GSG1L: variants seen among roughly 807,000 people sequenced by gnomAD.
The protein encoded by GSG1L is germ cell-specific gene 1-like protein.
In GSG1L, 24 loss-of-function variants were observed where a neutral mutation model predicts 42.1. The ratio of observed to expected loss-of-function variants is 0.57; its 90% confidence interval spans 0.41 to 0.80. The LOEUF is 0.80. Among genes scored for constraint, GSG1L ranks in the 30% least tolerant of loss-of-function variants. The pLI, the probability that GSG1L is intolerant of heterozygous loss-of-function variation, is 0.00. For missense variants in GSG1L, 445 were observed against 472.2 expected (o/e 0.94, Z 0.53); for synonymous variants, 215 against 203.5 (o/e 1.06, Z -0.48).
At position 27,855,439 on chromosome 16, in the gene GSG1L, G is replaced by A. The variant is rs185492754; in HGVS notation, c.551-10378C>T. ...AGGGCTGCAGAAAAAGACCAACGGGGCCGGAAGCAGTGTTACAAGCCTGTA... is the reference window on the plus strand; with the variant it reads ...AGGGCTGCAGAAAAAGACCAACGGGACCGGAAGCAGTGTTACAAGCCTGTA... On this transcript the variant is annotated intron_variant, in intron 3 of 6. Coordinates refer to ENST00000447459, the MANE Select transcript of GSG1L (RefSeq NM_001109763.2). 2.2e-4 allele frequency among the ~76,000 whole-genome samples: 34 copies of A among 152,280 alleles called. 1 individual carries two copies. In the East Asian group the frequency reaches 6.2e-3, roughly 28 times the overall value.
chr16:27,985,062 T>G (rs529595617), intron 1 of GSG1L, among the ~76,000 whole-genome samples: 88 of 152,048 alleles, frequency 5.8e-4, no homozygotes, highest in African/African-American at 2.1e-3. Flanking sequence ...CTGGTCTTGT[T>G]GGCATGATTT....
chr16:27,938,547 T>C (rs2084747270), intron 2 of GSG1L, among the ~76,000 whole-genome samples: 2 of 151,922 alleles, frequency 1.3e-5, no homozygotes, highest in Non-Finnish European at 2.9e-5. Context: ...GAGAAGGAGA[T>C]TTCCAAAAGC....
intron 1 of GSG1L, among the ~76,000 whole-genome samples, chr16:28,020,919 C>T (rs1252481334): frequency 6.6e-6 from 1 of 152,224 alleles, no homozygotes; most frequent in South Asian, 2.1e-4. Context: ...AGCTTCAACT[C>T]ACACCTACTG....
intron 5 of GSG1L, among the ~76,000 whole-genome samples, chr16:27,808,577 C>T (rs933590285): frequency 1.1e-4 from 16 of 152,102 alleles, no homozygotes; most frequent in Non-Finnish European, 2.1e-4. Context: ...TGCCACTGCG[C>T]CCAGCTAATT....
chr16:27,854,874 T>A (rs2083556858), intron 3 of GSG1L, among the ~76,000 whole-genome samples: 1 of 152,044 alleles, frequency 6.6e-6, no homozygotes, highest in African/African-American at 2.4e-5. Context: ...GGGAATGAGA[T>A]CCAGGAGAGC....
chr16:27,938,590 G>A (rs1276383333), intron 2 of GSG1L, among the ~76,000 whole-genome samples: 1 of 152,152 alleles, frequency 6.6e-6, no homozygotes, highest in African/African-American at 2.4e-5. Flanking sequence ...GAACATCAGA[G>A]CAGCGAAGGT....
chr16:27,954,927 T>A (rs180702536), intron 2 of GSG1L, among the ~76,000 whole-genome samples: 1 of 152,354 alleles, frequency 6.6e-6, no homozygotes, highest in Admixed American at 6.5e-5. Flanking sequence ...CCCAAAGTGC[T>A]GGGATCACAG....
chr16:27,806,049 C>T (rs900077498), intron 6 of GSG1L, among the ~76,000 whole-genome samples: 4 of 152,048 alleles, frequency 2.6e-5, no homozygotes, highest in African/African-American at 9.7e-5. Flanking sequence ...CAACCTCTAT[C>T]CCTGCTGTGT....
At chr16:27,999,893 C>T (rs927092094) in intron 1 of GSG1L, among the ~76,000 whole-genome samples, 1 of 152,184 alleles carries the variant, frequency 6.6e-6, no homozygotes, top group African/African-American at 2.4e-5. Flanking sequence ...ACCACTTCCA[C>T]TCATATCCCA....
chr16:27,928,758 C>T (rs1431123357), intron 2 of GSG1L, among the ~76,000 whole-genome samples: 2 of 152,212 alleles, frequency 1.3e-5, no homozygotes, highest in Non-Finnish European at 2.9e-5. Flanking sequence ...AAGCCACACT[C>T]CCTTGAGAGC....
chr16:27,807,562 GAAAA>G lies in GSG1L; in HGVS notation c.831-12_831-9del, dbSNP rs754096851. On this transcript the variant is annotated splice_polypyrimidine_tract_variant and intron_variant, in intron 5 of 6. Transcript: ENST00000447459. Reference sequence around the variant, plus strand: ...CCGTCCCTCTTCTCCATCCTGGAAAGAAAAAAAAACAAAAACAAAATCCTAGGTA... The same window carrying G: ...CCGTCCCTCTTCTCCATCCTGGAAAGAAAAACAAAAACAAAATCCTAGGTA... 6.4e-7 allele frequency: 1 copy of G among 1,567,956 alleles called. No homozygotes were observed. Among genetic ancestry groups the G allele is most frequent in the Non-Finnish European group, 8.7e-7 (1 of 1,154,038 alleles).
At chr16:27,961,669 G>A (rs1159454571) in intron 2 of GSG1L, among the ~76,000 whole-genome samples, 2 of 152,214 alleles carry the variant, frequency 1.3e-5, no homozygotes, top group Non-Finnish European at 1.5e-5. Flanking sequence ...CCATGCAGTG[G>A]TCATATTATT....
chr16:27,929,007 T>C (rs1452312183), intron 2 of GSG1L, among the ~76,000 whole-genome samples: 1 of 152,246 alleles, frequency 6.6e-6, no homozygotes, highest in Non-Finnish European at 1.5e-5. Flanking sequence ...TAAGTATCTC[T>C]TCCAGAGGAG....
intron 1 of GSG1L, among the ~76,000 whole-genome samples, chr16:27,967,743 T>A (rs2085151066): frequency 6.6e-6 from 1 of 152,098 alleles, no homozygotes; most frequent in Admixed American, 6.6e-5. Context: ...AGAAACCCCA[T>A]CTCTGATAAA....
chr16:28,010,038 C>A (rs1364433731), intron 1 of GSG1L, among the ~76,000 whole-genome samples: 1 of 152,108 alleles, frequency 6.6e-6, no homozygotes, highest in African/African-American at 2.4e-5. Flanking sequence ...GGTTGTATAT[C>A]GGCGCCAACA....
chr16:27,979,772 A>G (rs2085303432), intron 1 of GSG1L, among the ~76,000 whole-genome samples: 2 of 145,564 alleles, frequency 1.4e-5, no homozygotes, highest in Admixed American at 6.9e-5. Context: ...GAAAGAAGGA[A>G]AGAAAGAAAG....
chr16:27,799,749 G>A (rs919843947), intron 6 of GSG1L, among the ~76,000 whole-genome samples: 1 of 151,972 alleles, frequency 6.6e-6, no homozygotes, highest in Non-Finnish European at 1.5e-5. Context: ...GGAAGGACTG[G>A]GGAAGACATG....
intron 1 of GSG1L, among the ~76,000 whole-genome samples, chr16:27,969,972 C>A (rs1268338391): frequency 2.0e-5 from 3 of 152,194 alleles, no homozygotes; most frequent in Admixed American, 6.5e-5. Context: ...TGTTGAGCAT[C>A]TTTTCATGGG....
chr16:27,882,954 T>G (rs2141022749), intron 3 of GSG1L, among the ~76,000 whole-genome samples: 1 of 152,038 alleles, frequency 6.6e-6, no homozygotes, highest in South Asian at 2.1e-4. Flanking sequence ...AAAAATTTTT[T>G]TTTTAATTAG....
Sources: gnomAD v4.1 joint callset for allele counts (sites outside exome capture counted in the v4.1 genomes callset) on GRCh38, gnomAD v4.1.1 for gene constraint, MANE v1.5 for transcripts, NCBI Gene and HGNC (gene_info 2026-07-23, HGNC 2026-07-21) for gene names.